Variants in FSHR observed in about 807,000 individuals in gnomAD.
The protein encoded by FSHR is follicle stimulating hormone receptor.
A neutral mutation model predicts 52.1 loss-of-function variants in FSHR; 46 were observed. That is an observed-to-expected ratio of 0.88 (90% CI 0.70 to 1.13). FSHR has a LOEUF of 1.13. Ranked by LOEUF, FSHR falls within the 50% of genes most tolerant of loss-of-function variation. The pLI is 0.00. For synonymous variants in FSHR, 399 were observed against 309.6 expected, an observed-to-expected ratio of 1.29 and a Z score of -3.03; for missense variants, 964 against 834.6, an observed-to-expected ratio of 1.16 and a Z score of -1.91.
chr2:48,974,256 A>C (rs111632888), intron 8 of FSHR, among the ~76,000 whole-genome samples: 2,072 of 152,318 alleles, frequency 0.014, 42 homozygotes, highest in African/African-American at 0.046. Flanking sequence ...CTTGGGGAGT[A>C]AGCAGAATGA....
intron 4 of FSHR, among the ~76,000 whole-genome samples, chr2:48,999,716 G>A (rs975500542): frequency 3.3e-5 from 5 of 152,076 alleles, no homozygotes; most frequent in African/African-American, 9.7e-5. Context: ...GGGAATGCTG[G>A]GTTAATAAGG....
In FSHR at chr2:48,968,722, GCA is replaced by G. The variant is rs1170307091; in HGVS notation, c.828_829del (p.Ala277LeufsTer10). 3.1e-6 allele frequency: 5 copies of G among 1,614,142 alleles called. No individual in the cohort carries two copies. The highest frequency in any genetic ancestry group is 4.2e-6 in the Non-Finnish European group (5 of 1,179,992). On this transcript the variant is annotated frameshift_variant, in exon 9 of 10. Transcript: ENST00000406846. LOFTEE classifies it high-confidence loss of function. The stretch of plus-strand genomic sequence containing the variant: ...CATTTGCCGTCTCCAGTTTGCAAAG[GCA>G]CAGCAATGGCTGGGATAGGTGAGGC...
chr2:48,966,930 A>C (rs931109783), intron 9 of FSHR, among the ~76,000 whole-genome samples: 3 of 152,060 alleles, frequency 2.0e-5, no homozygotes, highest in Admixed American at 1.3e-4. Flanking sequence ...ATCAGAGAAG[A>C]CCTCATGTCC....
At chr2:49,040,514 A>C (rs1668445919) in intron 2 of FSHR, among the ~76,000 whole-genome samples, 1 of 152,214 alleles carries the variant, frequency 6.6e-6, no homozygotes, top group Non-Finnish European at 1.5e-5. Flanking sequence ...TGTTTTGTCA[A>C]GGTTGTCTGT....
chr2:49,110,089 C>T (rs1175917049), intron 1 of FSHR, among the ~76,000 whole-genome samples: 2 of 152,150 alleles, frequency 1.3e-5, no homozygotes, highest in African/African-American at 2.4e-5. Flanking sequence ...TGCAGGAATT[C>T]TCATGTTTTT....
At chr2:49,096,961 C>T (rs1670842236) in intron 1 of FSHR, among the ~76,000 whole-genome samples, 2 of 152,092 alleles carry the variant, frequency 1.3e-5, no homozygotes, top group Admixed American at 6.5e-5. Context: ...CCAAGGTCTC[C>T]CCAGCCCCAG....
intron 8 of FSHR, among the ~76,000 whole-genome samples, chr2:48,981,018 A>G (rs1449075830): frequency 6.6e-6 from 1 of 152,226 alleles, no homozygotes; most frequent in Non-Finnish European, 1.5e-5. Flanking sequence ...CTTTTTGCTA[A>G]GTGAAACTGA....
Position 49,002,890 on chromosome 2 carries a change from T to G in FSHR, c.375-12253A>C, listed in dbSNP as rs11675317. ...TGATGTCTTGCTAAGTGAATCTGTG[T>G]CTATGTGGCTCCTGTGGTTTGGTCA... On this transcript the variant is annotated intron_variant, in intron 4 of 9. Transcript: ENST00000406846. Among the ~76,000 whole-genome samples the G allele has an allele frequency of 3.4e-3, 525 of 152,240 alleles. 1 individual carries two copies. The highest frequency in any genetic ancestry group is 5.9e-3 in the Non-Finnish European group (401 of 68,004).
chr2:48,983,207 G>A lies in FSHR; in HGVS notation c.525-41C>T, dbSNP rs1013069678. The A allele has an allele frequency of 1.9e-6, 3 of 1,562,854 alleles. No individual in the cohort carries two copies. The Admixed American group carries it at 5.0e-5, about 26-fold the overall frequency. On this transcript the variant is annotated intron_variant, in intron 6 of 9. Coordinates refer to ENST00000406846, the MANE Select transcript of FSHR (RefSeq NM_000145.4). Reference sequence around the variant, plus strand: ...TATTAAAAAACCAATAATGTCAGATGCAAACAATACACGGGTTTCATAATT... The same window carrying A: ...TATTAAAAAACCAATAATGTCAGATACAAACAATACACGGGTTTCATAATT...
chr2:49,151,188 A>T (rs1673049632), intron 1 of FSHR, among the ~76,000 whole-genome samples: 1 of 140,978 alleles, frequency 7.1e-6, no homozygotes. Context: ...GAGTCAGATG[A>T]TGTTCATTTC....
intron 4 of FSHR, among the ~76,000 whole-genome samples, chr2:49,017,035 G>A (rs1667514156): frequency 6.6e-6 from 1 of 152,090 alleles, no homozygotes; most frequent in Non-Finnish European, 1.5e-5. Flanking sequence ...AATCTCTGCT[G>A]ATAAAATACC....
chr2:49,021,921 A>AGAGAGAGAGAGAGAGAGAGAGAG (rs1667739794), intron 2 of FSHR, among the ~76,000 whole-genome samples: 1 of 126,728 alleles, frequency 7.9e-6, no homozygotes, highest in African/African-American at 3.1e-5. Context: ...AGAGAGAGAG[A>AGAGAGAGAGAGAGAGAGAGAGAG]ATGAACACCA....
At chr2:49,097,206 C>T (rs1254541590) in intron 1 of FSHR, among the ~76,000 whole-genome samples, 1 of 152,004 alleles carries the variant, frequency 6.6e-6, no homozygotes. Flanking sequence ...GTTCAGTTTC[C>T]ATCAGTTTGA....
At position 49,101,486 on chromosome 2, in the gene FSHR, G is replaced by T. The variant is rs184089761; in HGVS notation, c.153-33196C>A. 3.8e-3 allele frequency among the ~76,000 whole-genome samples: 581 copies of T among 152,184 alleles called. 7 individuals are homozygous for T. The highest frequency in any genetic ancestry group is 0.013 in the African/African-American group (538 of 41,536). ...GGGTACGATTATAGCTAATTCTAAT[G>T]ATAAGAAAGCAGAAAATGAAGAGAG... is the stretch of plus-strand genomic sequence containing the variant. On this transcript the variant is annotated intron_variant, in intron 1 of 9. Transcript: ENST00000406846.
intron 1 of FSHR, among the ~76,000 whole-genome samples, chr2:49,068,855 G>C (rs755580729): frequency 6.6e-6 from 1 of 151,908 alleles, no homozygotes; most frequent in African/African-American, 2.4e-5. Context: ...ATATACACTA[G>C]GTCTGTTTCC....
At chr2:49,023,629 T>C (rs1667818726) in intron 2 of FSHR, among the ~76,000 whole-genome samples, 1 of 152,166 alleles carries the variant, frequency 6.6e-6, no homozygotes, top group South Asian at 2.1e-4. Context: ...TATCCGTGCC[T>C]CTCTGGGTCA....
rs397732837 is a variant in FSHR, at chr2:49,141,786, T to TC, written c.152+12479_152+12480insG. Among the ~76,000 whole-genome samples the TC allele has an allele frequency of 2.0e-5, 3 of 151,548 alleles. No homozygotes were observed. In the East Asian group the frequency reaches 5.8e-4, roughly 30 times the overall value. On this transcript the variant is annotated intron_variant, in intron 1 of 9. Coordinates refer to ENST00000406846, the MANE Select transcript of FSHR (RefSeq NM_000145.4). The stretch of plus-strand genomic sequence containing the variant: ...AGTGCTCAGATGAAGAGTTTAGACT[T>TC]TACTTTAGGAGTTCAGAGTAAAAAG...
intron 1 of FSHR, among the ~76,000 whole-genome samples, chr2:49,114,680 A>G (rs1366309416): frequency 6.6e-6 from 1 of 152,180 alleles, no homozygotes; most frequent in Non-Finnish European, 1.5e-5. Context: ...AGTAAAGACA[A>G]TAGCAACAAT....
intron 1 of FSHR, among the ~76,000 whole-genome samples, chr2:49,080,763 A>G (rs1416057433): frequency 6.6e-6 from 1 of 152,144 alleles, no homozygotes; most frequent in Non-Finnish European, 1.5e-5. Context: ...GGTGGTGGCT[A>G]ATGCCCAGAG....
Sources: gnomAD v4.1 joint callset for allele counts (sites outside exome capture counted in the v4.1 genomes callset) on GRCh38, gnomAD v4.1.1 for gene constraint, MANE v1.5 for transcripts, NCBI Gene and HGNC (gene_info 2026-07-23, HGNC 2026-07-21) for gene names.